PBRM1: variants seen among roughly 807,000 people sequenced by gnomAD.
The protein encoded by PBRM1 is protein polybromo-1.
PBRM1 carries 27 observed loss-of-function variants against 194.5 expected under a neutral mutation model. The observed-to-expected ratio is 0.14, with a 90% CI of 0.10 to 0.19. The LOEUF (loss-of-function observed/expected upper bound fraction) is 0.19. Ranked by LOEUF, PBRM1 falls within the 10% of genes least tolerant of loss-of-function variation. The probability of loss-of-function intolerance (pLI) is 1.00; values close to 1 mark genes in which losing one functional copy is unlikely to be tolerated. For missense variants in PBRM1, 1,466 were observed against 2,077.2 expected, an observed-to-expected ratio of 0.71 and a Z score of 5.72; for synonymous variants, 655 against 693.2, an observed-to-expected ratio of 0.94 and a Z score of 0.87.
chr3:52,671,547 T>C (rs544386917), intron 2 of PBRM1, among the ~76,000 whole-genome samples: 22 of 152,362 alleles, frequency 1.4e-4, no homozygotes, highest in Middle Eastern at 6.8e-3. Context: ...CCAGTTATCT[T>C]TTAGTAGTTA....
At chr3:52,650,409 T>C (rs1267153293) in intron 6 of PBRM1, among the ~76,000 whole-genome samples, 1 of 143,992 alleles carries the variant, frequency 6.9e-6, no homozygotes, top group Non-Finnish European at 1.5e-5. Flanking sequence ...GATGATACAT[T>C]AGGGAATCTG....
chr3:52,636,485 C>T (rs761464891), intron 10 of PBRM1, among the ~76,000 whole-genome samples: 23 of 151,302 alleles, frequency 1.5e-4, no homozygotes, highest in Non-Finnish European at 3.1e-4. Flanking sequence ...AGGCTGGGCA[C>T]GGTGGCTCAT....
intron 13 of PBRM1, among the ~76,000 whole-genome samples, chr3:52,620,081 T>C (rs748526116): frequency 3.3e-5 from 5 of 152,200 alleles, no homozygotes; most frequent in Non-Finnish European, 5.9e-5. Flanking sequence ...AAACTCCTTC[T>C]CCAAGGAGAC....
chr3:52,631,780 A>G (rs2095626486), intron 11 of PBRM1, among the ~76,000 whole-genome samples: 1 of 152,220 alleles, frequency 6.6e-6, no homozygotes, highest in Non-Finnish European at 1.5e-5. Flanking sequence ...TGTTCTTTAT[A>G]CCAAAAAGTC....
At chr3:52,548,837 A>G (rs1423986433) in intron 29 of PBRM1, among the ~76,000 whole-genome samples, 2 of 152,338 alleles carry the variant, frequency 1.3e-5, no homozygotes, top group South Asian at 2.1e-4. Context: ...CTTCTACTCT[A>G]AAGAAATGAA....
chr3:52,604,935 C>T (rs1040255366), intron 16 of PBRM1, among the ~76,000 whole-genome samples: 1 of 148,332 alleles, frequency 6.7e-6, no homozygotes. Context: ...GTCTGGGCAA[C>T]AGAGTGAGTG....
At chr3:52,674,644 AT>A (rs1193154423) in intron 2 of PBRM1, among the ~76,000 whole-genome samples, 307 of 60,798 alleles carry the variant, frequency 5.0e-3, no homozygotes, top group Middle Eastern at 0.011. Context: ...AAAAAAAAAA[AT>A]ATATATATAT....
chr3:52,636,113 T>C (rs545033122), intron 10 of PBRM1, among the ~76,000 whole-genome samples: 81 of 152,004 alleles, frequency 5.3e-4, no homozygotes, highest in African/African-American at 1.6e-3. Flanking sequence ...CCTCGTGATC[T>C]GCCCGCCTCG....
At chr3:52,576,558 G>A (rs2153658775) in exon 22 of PBRM1, 1 of 1,601,682 alleles carries the variant, frequency 6.2e-7, no homozygotes, top group Non-Finnish European at 8.5e-7. Context: ...ACATGTCATG[G>A]GGCAGGTTTC....
intron 26 of PBRM1, among the ~76,000 whole-genome samples, chr3:52,557,742 A>C (rs567748434): frequency 6.6e-6 from 1 of 152,312 alleles, no homozygotes; most frequent in African/African-American, 2.4e-5. Flanking sequence ...TATTCTATTT[A>C]GCAGTCATGC....
intron 17 of PBRM1, among the ~76,000 whole-genome samples, chr3:52,600,050 A>G (rs181785475): frequency 1.3e-5 from 2 of 152,244 alleles, no homozygotes; most frequent in East Asian, 3.9e-4. Flanking sequence ...TATAATATAA[A>G]TATTTATGGG....
At chr3:52,563,081 A>C (rs1312601277) in intron 24 of PBRM1, among the ~76,000 whole-genome samples, 1 of 152,172 alleles carries the variant, frequency 6.6e-6, no homozygotes, top group Non-Finnish European at 1.5e-5. Flanking sequence ...TATTAATATA[A>C]ATTATTAATG....
intron 22 of PBRM1, among the ~76,000 whole-genome samples, chr3:52,573,841 C>G (rs1002024005): frequency 2.0e-5 from 3 of 152,180 alleles, no homozygotes; most frequent in Non-Finnish European, 2.9e-5. Context: ...TACCCTCACT[C>G]CATTCCTTAC....
chr3:52,637,799 T>TAAAAAAAAAAAAAAAAAAAAAA (rs2095881238), intron 10 of PBRM1, among the ~76,000 whole-genome samples: 1 of 68,478 alleles, frequency 1.5e-5, no homozygotes, highest in Admixed American at 1.7e-4. Flanking sequence ...AAAAAAAAAT[T>TAAAAAAAAAAAAAAAAAAAAAA]AGCCGGGCAT....
At chr3:52,677,553 C>T (rs1397176475) in intron 2 of PBRM1, among the ~76,000 whole-genome samples, 2 of 152,008 alleles carry the variant, frequency 1.3e-5, no homozygotes, top group Admixed American at 1.3e-4. Context: ...GCTGGGATTA[C>T]AGGCGCCCAC....
At chr3:52,602,302 G>A in intron 17 of PBRM1, among the ~76,000 whole-genome samples, 1 of 152,106 alleles carries the variant, frequency 6.6e-6, no homozygotes, top group East Asian at 1.9e-4. Flanking sequence ...ACTAGGGGTT[G>A]CTCCTCTCTT....
intron 25 of PBRM1, among the ~76,000 whole-genome samples, chr3:52,559,292 C>T (rs971090424): frequency 1.3e-5 from 2 of 152,194 alleles, no homozygotes; most frequent in Admixed American, 6.5e-5. Flanking sequence ...CCCCACTCCC[C>T]GGCCCTGAGC....
Position 52,651,827 on chromosome 3 carries a change from C to A in PBRM1, c.646-17G>T. On this transcript the variant is annotated splice_polypyrimidine_tract_variant and intron_variant, in intron 5 of 29. Transcript: ENST00000296302. ...TGGATATTGCTGGAAGACAAAAAAC[C>A]AGGCATGCTCAATAAGTTAAACTAT... 6.5e-7 allele frequency: 1 copy of A among 1,530,350 alleles called. No individual in the cohort carries two copies. Among genetic ancestry groups the A allele is most frequent in the East Asian group, 2.3e-5 (1 of 44,230 alleles). 94.8% of individuals were successfully genotyped at this position (1,530,350 alleles called of 1,614,324 possible).
At chr3:52,656,277 C>A (rs745528028) in intron 5 of PBRM1, among the ~76,000 whole-genome samples, 9 of 151,982 alleles carry the variant, frequency 5.9e-5, no homozygotes, top group Non-Finnish European at 8.8e-5. Flanking sequence ...TTCAGCATCA[C>A]CAGGAGATCA....
Sources: gnomAD v4.1 joint callset for allele counts (sites outside exome capture counted in the v4.1 genomes callset) on GRCh38, gnomAD v4.1.1 for gene constraint, MANE v1.5 for transcripts, NCBI Gene and HGNC (gene_info 2026-07-23, HGNC 2026-07-21) for gene names.